The following PLXNA4 variants were observed in gnomAD, a reference collection of about 807,000 sequenced individuals.
PLXNA4 encodes plexin A4, also known as plexin-A4.
A neutral mutation model predicts 191.8 loss-of-function variants in PLXNA4; 44 were observed. The observed-to-expected ratio is 0.23, with a 90% CI of 0.18 to 0.29. The LOEUF (loss-of-function observed/expected upper bound fraction) is 0.29, where lower values mean the gene tolerates loss of function less well. Ranked by LOEUF, PLXNA4 falls within the 10% of genes least tolerant of loss-of-function variation. The probability of loss-of-function intolerance (pLI) is 1.00; values close to 1 mark genes in which losing one functional copy is unlikely to be tolerated. For missense variants in PLXNA4, 1,800 were observed against 2,488.8 expected (o/e 0.72, Z 5.89); for synonymous variants, 1,082 against 1,009.5 (o/e 1.07, Z -1.36).
chr7:132,640,896 C>T (rs900170541), intron 2 of PLXNA4, among the ~76,000 whole-genome samples: 1 of 152,004 alleles, frequency 6.6e-6, no homozygotes, highest in Non-Finnish European at 1.5e-5. Context: ...CTTATACAGG[C>T]AAAAAGGGGA....
intron 4 of PLXNA4, among the ~76,000 whole-genome samples, chr7:132,257,856 T>C (rs1224510136): frequency 2.0e-5 from 3 of 152,214 alleles, no homozygotes; most frequent in African/African-American, 7.2e-5. Flanking sequence ...GCAGAATGTC[T>C]GTAGATGGAG....
intron 3 of PLXNA4, among the ~76,000 whole-genome samples, chr7:132,346,985 A>G (rs1200864442): frequency 6.6e-6 from 1 of 152,230 alleles, no homozygotes; most frequent in African/African-American, 2.4e-5. Context: ...AGAAAACTGC[A>G]TCCCTTTGCT....
At chr7:132,528,511 TCTC>T (rs1325637367) in intron 1 of PLXNA4, among the ~76,000 whole-genome samples, 1 of 152,184 alleles carries the variant, frequency 6.6e-6, no homozygotes, top group African/African-American at 2.4e-5. Flanking sequence ...GTCATGCTGG[TCTC>T]CTTCTCCCTG....
At chr7:132,302,940 G>A (rs1801362576) in intron 3 of PLXNA4, among the ~76,000 whole-genome samples, 1 of 152,034 alleles carries the variant, frequency 6.6e-6, no homozygotes, top group African/African-American at 2.4e-5. Flanking sequence ...GCAATGGCAC[G>A]ATCTCAGCTC....
At chr7:132,505,071 C>T (rs1200634459) in intron 2 of PLXNA4, among the ~76,000 whole-genome samples, 2 of 152,260 alleles carry the variant, frequency 1.3e-5, no homozygotes, top group African/African-American at 4.8e-5. Context: ...GAGACAGCCC[C>T]AGGCCTGTGC....
intron 12 of PLXNA4, among the ~76,000 whole-genome samples, chr7:132,200,638 T>C (rs1797402916): frequency 6.6e-6 from 1 of 152,214 alleles, no homozygotes; most frequent in African/African-American, 2.4e-5. Context: ...CCCAAGGGGC[T>C]GCTTTGCTGG....
intron 1 of PLXNA4, among the ~76,000 whole-genome samples, chr7:132,520,237 G>A (rs994931585): frequency 2.0e-5 from 3 of 152,204 alleles, no homozygotes; most frequent in African/African-American, 7.2e-5. Context: ...TGCCCTCAGA[G>A]AACTCAGGAT....
intron 4 of PLXNA4, among the ~76,000 whole-genome samples, chr7:132,266,634 G>A (rs1799869090): frequency 6.6e-6 from 1 of 152,224 alleles, no homozygotes; most frequent in African/African-American, 2.4e-5. Flanking sequence ...TTGCTTATCT[G>A]AAGTAGCAGG....
At chr7:132,203,192 G>T (rs184828376) in intron 11 of PLXNA4, 131 bp downstream of exon 11, 432 of 777,076 alleles carry the variant, frequency 5.6e-4, no homozygotes, top group Non-Finnish European at 8.2e-4. Context: ...GTGAAGGAGG[G>T]GCTCAGAGGG....
intron 2 of PLXNA4, among the ~76,000 whole-genome samples, chr7:132,600,903 T>A (rs906264139): frequency 1.3e-5 from 2 of 152,150 alleles, no homozygotes; most frequent in African/African-American, 4.8e-5. Context: ...GTTATATTAA[T>A]CTTTACTATT....
chr7:132,529,045 G>A (rs1293508999), intron 1 of PLXNA4, among the ~76,000 whole-genome samples: 1 of 152,230 alleles, frequency 6.6e-6, no homozygotes, highest in Non-Finnish European at 1.5e-5. Context: ...CAATGAATAA[G>A]ATGGCATTTT....
chr7:132,592,678 T>C (rs1802622981), intron 2 of PLXNA4, among the ~76,000 whole-genome samples: 1 of 152,132 alleles, frequency 6.6e-6, no homozygotes, highest in Non-Finnish European at 1.5e-5. Flanking sequence ...TCCAGAATGC[T>C]GTAGCCCTTT....
rs905564950 is a variant in PLXNA4, at chr7:132,125,823, C to T, written c.*4656G>A. ...GTCAGGTGAGCTCCTGGAGGTGACT[C>T]AGTCATGGAAAGACCCCTTGAAGGC... On this transcript the variant is annotated 3_prime_UTR_variant, in exon 32 of 32. Coordinates refer to ENST00000321063, the MANE Select transcript of PLXNA4 (RefSeq NM_020911.2). 2.0e-5 allele frequency: 3 copies of T among 151,692 alleles called. No homozygotes were observed. The highest frequency in any genetic ancestry group is 4.4e-5 in the Non-Finnish European group (3 of 67,860). The allele number at this position is 151,692 out of a possible 1,614,324, so 9.4% of individuals were successfully genotyped here. A position where few individuals can be genotyped will look rare whatever the true frequency, so the allele number is the denominator to read the frequency against.
At chr7:132,150,004 G>A (rs1382148419) in intron 25 of PLXNA4, among the ~76,000 whole-genome samples, 1 of 152,094 alleles carries the variant, frequency 6.6e-6, no homozygotes, top group Admixed American at 6.5e-5. Flanking sequence ...AGTCCCTGGG[G>A]CTCCAGTCCC....
intron 1 of PLXNA4, among the ~76,000 whole-genome samples, chr7:132,522,536 AGGC>A (rs1799230265): frequency 6.6e-6 from 1 of 152,206 alleles, no homozygotes; most frequent in South Asian, 2.1e-4. Flanking sequence ...TAGGATGCCA[AGGC>A]AGGCAGACTG....
In PLXNA4 at chr7:132,146,714, G is replaced by A; in HGVS notation, c.4865-14C>T. ...GGATCATGTTTTCTGCCAAGGCAAGGATCACCCCCCGACATATGTGAGGCC... is the reference window on the plus strand; with the variant it reads ...GGATCATGTTTTCTGCCAAGGCAAGAATCACCCCCCGACATATGTGAGGCC... On this transcript the variant is annotated splice_polypyrimidine_tract_variant and intron_variant, in intron 27 of 31. Coordinates refer to ENST00000321063, the MANE Select transcript of PLXNA4 (RefSeq NM_020911.2). The A allele has an allele frequency of 6.2e-7, 1 of 1,613,546 alleles. No individual in the cohort carries two copies. Among genetic ancestry groups the A allele is most frequent in the Non-Finnish European group, 8.5e-7 (1 of 1,179,598 alleles).
chr7:132,404,906 A>G (rs963818086), intron 3 of PLXNA4, among the ~76,000 whole-genome samples: 3 of 152,084 alleles, frequency 2.0e-5, no homozygotes, highest in African/African-American at 7.2e-5. Context: ...AGGGTGGGGT[A>G]CTACTGCCTT....
At chr7:132,252,568 T>A (rs1799292928) in intron 4 of PLXNA4, among the ~76,000 whole-genome samples, 1 of 152,194 alleles carries the variant, frequency 6.6e-6, no homozygotes, top group South Asian at 2.1e-4. Flanking sequence ...CCCAAAGTGC[T>A]GGGATTATAG....
At chr7:132,615,962 TC>T (rs1488518128) in intron 2 of PLXNA4, among the ~76,000 whole-genome samples, 1 of 149,774 alleles carries the variant, frequency 6.7e-6, no homozygotes, top group East Asian at 2.0e-4. Flanking sequence ...TCTCTCTCTC[TC>T]TATTCCCCAC....
Sources: allele counts gnomAD v4.1 joint callset (sites outside exome capture counted in the v4.1 genomes callset), GRCh38; gene constraint gnomAD v4.1.1; transcripts MANE v1.5; gene names NCBI Gene and HGNC (gene_info 2026-07-23, HGNC 2026-07-21).